EHD2: variants seen among roughly 807,000 people sequenced by gnomAD.
EHD2 encodes EH domain-containing protein 2.
A neutral mutation model predicts 41.0 loss-of-function variants in EHD2; 27 were observed. The observed-to-expected ratio is 0.66, with a 90% CI of 0.49 to 0.91. The LOEUF (loss-of-function observed/expected upper bound fraction) is 0.91. Among genes scored for constraint, EHD2 ranks in the 40% least tolerant of loss-of-function variants. The pLI is 0.00. For missense variants in EHD2, 673 were observed against 773.9 expected (o/e 0.87, Z 1.55); for synonymous variants, 342 against 341.0 (o/e 1.00, Z -0.03).
At chr19:47,739,704 T>C (rs1282248836) in intron 5 of EHD2, among the ~76,000 whole-genome samples, 1 of 149,264 alleles carries the variant, frequency 6.7e-6, no homozygotes, top group Non-Finnish European at 1.5e-5. Flanking sequence ...CACCTCAGCC[T>C]CCCAAAGTGC....
chr19:47,735,748 C>CA (rs1178274824), intron 4 of EHD2, among the ~76,000 whole-genome samples: 2 of 151,230 alleles, frequency 1.3e-5, no homozygotes, highest in East Asian at 1.9e-4. Context: ...ATTAAAAATA[C>CA]AAAAAAATTA....
At chr19:47,720,774 T>C (rs1037319932) in intron 3 of EHD2, among the ~76,000 whole-genome samples, 7 of 152,032 alleles carry the variant, frequency 4.6e-5, no homozygotes, top group African/African-American at 1.7e-4. Context: ...GGGGATTTTG[T>C]GGGACTGTGT....
Position 47,719,750 on chromosome 19 carries a change from G to A in EHD2, c.502+1144G>A, listed in dbSNP as rs1973674908. 6.6e-6 allele frequency among the ~76,000 whole-genome samples: 1 copy of A among 151,904 alleles called. No individual in the cohort carries two copies. The highest frequency in any genetic ancestry group is 2.1e-4 in the South Asian group (1 of 4,824). On this transcript the variant is annotated intron_variant, in intron 3 of 5. Transcript: ENST00000263277. The surrounding 1 kb of genome is among the most constrained non-coding windows in gnomAD (Gnocchi z 4.1). ...GGGAGGACACGCTGCCAGCTGAGGGGGAGGAATTCCTGGGGCTCCCACCCC... is the reference window on the plus strand; with the variant it reads ...GGGAGGACACGCTGCCAGCTGAGGGAGAGGAATTCCTGGGGCTCCCACCCC...
Position 47,741,720 on chromosome 19 carries a change from A to G in EHD2, c.*288A>G, listed in dbSNP as rs1966992411. 1.6e-6 allele frequency: 1 copy of G among 611,838 alleles called. No homozygotes were observed. Among genetic ancestry groups the G allele is most frequent in the African/African-American group, 1.9e-5 (1 of 53,744 alleles). 37.9% of individuals were successfully genotyped at this position (611,838 alleles called of 1,614,324 possible). On this transcript the variant is annotated 3_prime_UTR_variant, in exon 6 of 6. Coordinates refer to ENST00000263277, the MANE Select transcript of EHD2 (RefSeq NM_014601.4). This position sits in a 1 kb window ranked among gnomAD's most constrained non-coding sequence, Gnocchi z 4.5. ...ATCCATCCATCCGTCATTCATTCAA[A>G]TATTTATTGAGCACCTACTATGTGC...
At position 47,726,188 on chromosome 19, in the gene EHD2, G is replaced by A; in HGVS notation, c.879G>A (p.Lys293=). 6.4e-7 allele frequency: 1 copy of A among 1,556,964 alleles called. No homozygotes were observed. The highest frequency in any genetic ancestry group is 8.7e-7 in the Non-Finnish European group (1 of 1,152,012). Residue 293 remains lysine, a synonymous_variant, in exon 4 of 6, where the codon AAG becomes AAA. Coordinates refer to ENST00000263277, the MANE Select transcript of EHD2 (RefSeq NM_014601.4). ...QGLPRHAALR[K]LNDLVKRARL... is the part of the protein sequence containing the mutation. Reference sequence around the variant, plus strand: ...TGCCCCGGCACGCAGCCTTGCGCAAGCTCAACGACCTGGTGAAGAGGGCCC... The same window carrying A: ...TGCCCCGGCACGCAGCCTTGCGCAAACTCAACGACCTGGTGAAGAGGGCCC...
chr19:47,741,634 C>G lies in EHD2; in HGVS notation c.*202C>G. The G allele has an allele frequency of 1.6e-6, 1 of 635,814 alleles. No homozygotes were observed. Among genetic ancestry groups the G allele is most frequent in the Non-Finnish European group, 2.7e-6 (1 of 365,356 alleles). 39.4% of individuals were successfully genotyped at this position (635,814 alleles called of 1,614,324 possible). A position where few individuals can be genotyped will look rare whatever the true frequency, so the allele number is the denominator to read the frequency against. On this transcript the variant is annotated 3_prime_UTR_variant, in exon 6 of 6. Coordinates refer to ENST00000263277, the MANE Select transcript of EHD2 (RefSeq NM_014601.4). This position sits in a 1 kb window ranked among gnomAD's most constrained non-coding sequence, Gnocchi z 4.5. Reference sequence around the variant, plus strand: ...GAGGGACAAGGCTTCTCTGTCCGCCCTTCACACCTCCAGCCTCACGTTCAC... The same window carrying G: ...GAGGGACAAGGCTTCTCTGTCCGCCGTTCACACCTCCAGCCTCACGTTCAC...
intron 4 of EHD2, among the ~76,000 whole-genome samples, chr19:47,726,542 T>G (rs868831263): frequency 4.0e-4 from 49 of 121,764 alleles, no homozygotes; most frequent in African/African-American, 1.2e-3. Flanking sequence ...TTCCTCCTCC[T>G]CCTCTTCTTC....
intron 4 of EHD2, among the ~76,000 whole-genome samples, chr19:47,726,526 C>A (rs1296371189): frequency 6.9e-6 from 1 of 145,940 alleles, no homozygotes; most frequent in Non-Finnish European, 1.5e-5. Context: ...CTTCTTTCTT[C>A]TCTCTTTCCT....
rs199961822 is a variant in EHD2, at chr19:47,726,152, C to T, written c.843C>T (p.Asp281=). The T allele has an allele frequency of 6.3e-7, 1 of 1,581,894 alleles. No homozygotes were observed. Among genetic ancestry groups the T allele is most frequent in the South Asian group, 1.2e-5 (1 of 86,726 alleles). Residue 281 remains aspartate, a synonymous_variant, in exon 4 of 6, where the codon GAC becomes GAT. Coordinates refer to ENST00000263277, the MANE Select transcript of EHD2 (RefSeq NM_014601.4). ...TGGAGGAGCAGGACCTCTTCCGCGA[C>T]ATCCAGGGCCTGCCCCGGCACGCAG... is the stretch of plus-strand genomic sequence containing the variant. The part of the protein sequence containing the change: ...FELEEQDLFR[D]IQGLPRHAAL...
intron 4 of EHD2, among the ~76,000 whole-genome samples, chr19:47,735,401 G>C (rs1966910739): frequency 6.6e-6 from 1 of 152,168 alleles, no homozygotes; most frequent in Non-Finnish European, 1.5e-5. Flanking sequence ...GAGGCTCACA[G>C]TGTGGCACCT....
chr19:47,738,996 C>A (rs959675745), intron 5 of EHD2, among the ~76,000 whole-genome samples: 1 of 152,158 alleles, frequency 6.6e-6, no homozygotes, highest in African/African-American at 2.4e-5. Context: ...CATCTCAAAT[C>A]TCACCTCCAA....
rs1966994360 is a variant in EHD2, at chr19:47,741,881, C to T, written c.*449C>T. The T allele has an allele frequency of 2.2e-6, 1 of 459,458 alleles. No individual in the cohort carries two copies. Among genetic ancestry groups the T allele is most frequent in the Admixed American group, 2.3e-5 (1 of 42,618 alleles). 28.5% of individuals were successfully genotyped at this position (459,458 alleles called of 1,614,324 possible). A position where few individuals can be genotyped will look rare whatever the true frequency, so the allele number is the denominator to read the frequency against. On this transcript the variant is annotated 3_prime_UTR_variant, in exon 6 of 6. Transcript: ENST00000263277. This position sits in a 1 kb window ranked among gnomAD's most constrained non-coding sequence, Gnocchi z 4.5. ...ACACACACTAATTCCTGGCAGGGCCCCCAGCCCCTCCCCTGGCTGAGCAGC... is the reference window on the plus strand; with the variant it reads ...ACACACACTAATTCCTGGCAGGGCCTCCAGCCCCTCCCCTGGCTGAGCAGC...
intron 4 of EHD2, among the ~76,000 whole-genome samples, chr19:47,732,445 G>A (rs1966882952): frequency 6.6e-6 from 1 of 151,686 alleles, no homozygotes; most frequent in Non-Finnish European, 1.5e-5. Flanking sequence ...TAGAGACAAA[G>A]GCTCGCTGTG....
chr19:47,738,660 C>G (rs1966950260), intron 5 of EHD2, among the ~76,000 whole-genome samples: 1 of 152,180 alleles, frequency 6.6e-6, no homozygotes, highest in Non-Finnish European at 1.5e-5. Context: ...CCATACTGGA[C>G]AGGCTAACAG....
Position 47,741,576 on chromosome 19 carries a change from C to A in EHD2, c.*144C>A. The A allele has an allele frequency of 1.0e-6, 1 of 959,034 alleles. No homozygotes were observed. The highest frequency in any genetic ancestry group is 1.5e-6 in the Non-Finnish European group (1 of 659,586). The allele number at this position is 959,034 out of a possible 1,614,324, so 59.4% of individuals were successfully genotyped here. A position where few individuals can be genotyped will look rare whatever the true frequency, so the allele number is the denominator to read the frequency against. ...GGTCTCCCTCCTCACTACCGCCAGA[C>A]ACCCCGGTGGAAGCATTTAGAGGGG... is the stretch of plus-strand genomic sequence containing the variant. On this transcript the variant is annotated 3_prime_UTR_variant, in exon 6 of 6. Transcript: ENST00000263277. This position sits in a 1 kb window ranked among gnomAD's most constrained non-coding sequence, Gnocchi z 4.5.
At chr19:47,716,316 A>T (rs1283838577) in intron 1 of EHD2, among the ~76,000 whole-genome samples, 3 of 151,682 alleles carry the variant, frequency 2.0e-5, no homozygotes, top group Non-Finnish European at 4.4e-5. Flanking sequence ...ACCTCAAGCA[A>T]TCCTCCTACC....
At chr19:47,727,620 G>A (rs1973765475) in intron 4 of EHD2, among the ~76,000 whole-genome samples, 1 of 151,388 alleles carries the variant, frequency 6.6e-6, no homozygotes, top group African/African-American at 2.4e-5. Context: ...GCTCACGCCT[G>A]TAATCCCAAC....
At chr19:47,717,119 C>T (rs765745663) in intron 2 of EHD2, 103 bp downstream of exon 2, 18 of 1,441,160 alleles carry the variant, frequency 1.2e-5, no homozygotes, top group Non-Finnish European at 1.7e-5. Context: ...GCGATCTCAG[C>T]TCATGGCAAC....
chr19:47,731,273 A>T (rs1973805031), intron 4 of EHD2: 13 of 26,648 alleles, frequency 4.9e-4, no homozygotes, highest in African/African-American at 1.3e-3. Flanking sequence ...TCTTTAAAAA[A>T]AAAAAAATAT....
Sources: gnomAD v4.1 joint callset for allele counts (sites outside exome capture counted in the v4.1 genomes callset) on GRCh38, gnomAD v4.1.1 for gene constraint, Gnocchi (gnomAD v3.1) non-coding constraint, MANE v1.5 for transcripts, NCBI Gene and HGNC (gene_info 2026-07-23, HGNC 2026-07-21) for gene names.